The following PKHD1 variants were observed in gnomAD, a reference collection of about 807,000 sequenced individuals.
The protein encoded by PKHD1 is PKHD1 ciliary IPT domain containing fibrocystin/polyductin, also known as fibrocystin.
PKHD1 carries 291 observed loss-of-function variants against 412.0 expected under a neutral mutation model. The ratio of observed to expected loss-of-function variants is 0.71; its 90% CI spans 0.64 to 0.78. The LOEUF (loss-of-function observed/expected upper bound fraction) is 0.78. Among genes scored for constraint, PKHD1 ranks in the 30% least tolerant of loss-of-function variants. PKHD1 has a pLI of 0.00. For synonymous variants in PKHD1, 1,777 were observed against 1,821.5 expected, an observed-to-expected ratio of 0.98 and a Z score of 0.62; for missense variants, 4,825 against 4,950.7, an observed-to-expected ratio of 0.97 and a Z score of 0.76.
intron 49 of PKHD1, among the ~76,000 whole-genome samples, chr6:51,848,414 ATTTAC>A (rs1771602646): frequency 6.6e-6 from 1 of 152,198 alleles, no homozygotes; most frequent in Non-Finnish European, 1.5e-5. Flanking sequence ...TTGTGGGAGC[ATTTAC>A]TATGCAATCA....
At chr6:51,823,191 G>C (rs918314510) in intron 52 of PKHD1, among the ~76,000 whole-genome samples, 1 of 152,054 alleles carries the variant, frequency 6.6e-6, no homozygotes, top group Non-Finnish European at 1.5e-5. Context: ...ACAACAGAAG[G>C]TGCCCAATAC....
At chr6:52,017,342 T>C (rs1376069727) in intron 34 of PKHD1, 68 bp downstream of exon 34, 6 of 1,144,994 alleles carry the variant, frequency 5.2e-6, no homozygotes, top group Non-Finnish European at 8.0e-6. Flanking sequence ...CTACACTCTC[T>C]GATGGCTCCA....
chr6:52,062,856 C>T (rs1808891684), intron 13 of PKHD1, among the ~76,000 whole-genome samples, 196 bp from the exon 14 acceptor site: 1 of 151,448 alleles, frequency 6.6e-6, no homozygotes, highest in Non-Finnish European at 1.5e-5. Flanking sequence ...AAGTAATAAA[C>T]ATTCCATGGG....
intron 18 of PKHD1, 121 bp downstream of exon 18, chr6:52,056,577 G>T: frequency 1.2e-6 from 1 of 836,518 alleles, no homozygotes; most frequent in East Asian, 2.5e-5. Flanking sequence ...CCAAATCCAG[G>T]TTTCATATTT....
chr6:51,940,384 CAAG>C (rs1788297500), intron 36 of PKHD1, among the ~76,000 whole-genome samples: 2 of 151,666 alleles, frequency 1.3e-5, no homozygotes, highest in South Asian at 4.1e-4. Context: ...CTCCAGCACA[CAAG>C]AACTCCAAAT....
intron 37 of PKHD1, among the ~76,000 whole-genome samples, chr6:51,923,890 T>C (rs1268502882): frequency 6.6e-6 from 1 of 152,158 alleles, no homozygotes; most frequent in Admixed American, 6.5e-5. Flanking sequence ...AGCGAGGCCA[T>C]GTGTGTCTTA....
At chr6:52,071,922 T>C (rs896588449) in intron 8 of PKHD1, among the ~76,000 whole-genome samples, 193 bp downstream of exon 8, 4 of 152,188 alleles carry the variant, frequency 2.6e-5, no homozygotes, top group African/African-American at 9.7e-5. Flanking sequence ...TCCACTTCAA[T>C]ACGCACTTTG....
intron 50 of PKHD1, among the ~76,000 whole-genome samples, chr6:51,839,969 G>T (rs78807546): frequency 0.052 from 7,865 of 151,744 alleles, 212 homozygotes; most frequent in South Asian, 0.065. Context: ...GCCTGCCCTG[G>T]ACCCAAGCCC....
At chr6:52,002,042 A>T (rs1798463807) in intron 35 of PKHD1, among the ~76,000 whole-genome samples, 1 of 152,224 alleles carries the variant, frequency 6.6e-6, no homozygotes, top group Admixed American at 6.5e-5. Context: ...TAATTCTTAC[A>T]ACCCTACAAG....
intron 36 of PKHD1, 66 bp downstream of exon 36, chr6:51,959,804 C>T: frequency 7.1e-7 from 1 of 1,411,690 alleles, no homozygotes; most frequent in Non-Finnish European, 1.0e-6. Context: ...AGTTTCCCTC[C>T]TCCATCCCCC....
At chr6:51,971,259 A>G (rs1793627437) in intron 35 of PKHD1, among the ~76,000 whole-genome samples, 1 of 152,232 alleles carries the variant, frequency 6.6e-6, no homozygotes, top group Non-Finnish European at 1.5e-5. Context: ...TTTGTTATGC[A>G]GCAACAGAAA....
rs149300671 is a variant in PKHD1 at position 51,832,667 on chromosome 6, T to C, written c.8174-1678A>G. 2.0e-5 allele frequency among the ~76,000 whole-genome samples: 3 copies of C among 152,122 alleles called. No individual in the cohort carries two copies. The East Asian group carries it at 5.8e-4, about 30-fold the overall frequency. On this transcript the variant is annotated intron_variant, in intron 51 of 66. Coordinates refer to ENST00000371117, the MANE Select transcript of PKHD1 (RefSeq NM_138694.4). Reference sequence around the variant, plus strand: ...AGAGCTCTGAGCCCAGAGATGAATTTGGCATCATCGGCCTAGAAGCTGTAT... The same window carrying C: ...AGAGCTCTGAGCCCAGAGATGAATTCGGCATCATCGGCCTAGAAGCTGTAT...
At chr6:51,662,780 TACAA>T (rs1773074481) in intron 60 of PKHD1, among the ~76,000 whole-genome samples, 1 of 151,946 alleles carries the variant, frequency 6.6e-6, no homozygotes. Context: ...GAGAAACTAT[TACAA>T]ACAAACATTT....
chr6:52,008,147 A>C (rs554886096), intron 35 of PKHD1, among the ~76,000 whole-genome samples: 1 of 152,296 alleles, frequency 6.6e-6, no homozygotes, highest in African/African-American at 2.4e-5. Flanking sequence ...CACTAGACAC[A>C]TTCCTAGTTC....
intron 49 of PKHD1, among the ~76,000 whole-genome samples, chr6:51,854,833 C>T (rs967869560): frequency 6.6e-6 from 1 of 152,220 alleles, no homozygotes; most frequent in Non-Finnish European, 1.5e-5. Flanking sequence ...GCTGCCTTTC[C>T]CCCATCCACA....
intron 52 of PKHD1, among the ~76,000 whole-genome samples, chr6:51,808,994 A>AT (rs1204832522): frequency 6.6e-6 from 1 of 152,138 alleles, no homozygotes; most frequent in African/African-American, 2.4e-5. Flanking sequence ...CAAACAAAGA[A>AT]TTATAAACAC....
Position 51,618,206 on chromosome 6 carries a change from G to A in PKHD1, c.*875C>T, listed in dbSNP as rs1327404804. 6.6e-6 allele frequency: 1 copy of A among 152,206 alleles called. No individual in the cohort carries two copies. Among genetic ancestry groups the A allele is most frequent in the East Asian group, 1.9e-4 (1 of 5,180 alleles). The allele number at this position is 152,206 out of a possible 1,614,324, so 9.4% of individuals were successfully genotyped here. On this transcript the variant is annotated 3_prime_UTR_variant, in exon 67 of 67. Transcript: ENST00000371117. ...AATCTCTCCTCTCCTTAGTATCACA[G>A]CTTTATGCATCATCTTCTCCAAAAA...
At chr6:51,959,023 A>C (rs1791590931) in intron 36 of PKHD1, among the ~76,000 whole-genome samples, 1 of 152,170 alleles carries the variant, frequency 6.6e-6, no homozygotes, top group African/African-American at 2.4e-5. Context: ...GACAGGTATT[A>C]AAATTCCATT....
intron 52 of PKHD1, among the ~76,000 whole-genome samples, chr6:51,806,709 C>T (rs1312516993): frequency 4.1e-5 from 6 of 146,362 alleles, no homozygotes; most frequent in Admixed American, 1.4e-4. Flanking sequence ...TTTTTTAATT[C>T]AAGGGAGTTT....
Sources: gnomAD v4.1 joint callset for allele counts (sites outside exome capture counted in the v4.1 genomes callset) on GRCh38, gnomAD v4.1.1 for gene constraint, MANE v1.5 for transcripts, NCBI Gene and HGNC (gene_info 2026-07-23, HGNC 2026-07-21) for gene names.